ZW10: variants seen among roughly 807,000 people sequenced by gnomAD.
The protein encoded by ZW10 is zw10 kinetochore protein.
In ZW10, 53 loss-of-function variants were observed where a neutral mutation model predicts 87.8. The ratio of observed to expected loss-of-function variants is 0.60; its 90% CI spans 0.48 to 0.76. The LOEUF is 0.76. ZW10 is among the 30% of genes least tolerant of loss of function. The pLI, the probability that ZW10 is intolerant of heterozygous loss-of-function variation, is 0.00. For missense variants in ZW10, 837 were observed against 923.0 expected (o/e 0.91, Z 1.21); for synonymous variants, 312 against 329.2 (o/e 0.95, Z 0.57).
intron 10 of ZW10, among the ~76,000 whole-genome samples, chr11:113,742,200 T>C (rs943854978): frequency 7.2e-5 from 11 of 152,204 alleles, no homozygotes; most frequent in Non-Finnish European, 1.5e-4. Flanking sequence ...TTTCACCTTT[T>C]CTCCTTCTTA....
At chr11:113,735,030 T>A (rs1591407273) in intron 15 of ZW10, among the ~76,000 whole-genome samples, 1 of 152,208 alleles carries the variant, frequency 6.6e-6, no homozygotes, top group African/African-American at 2.4e-5. Context: ...GAGAAGGGGA[T>A]TCATGGGTCT....
Position 113,736,649 on chromosome 11 carries a change from T to C in ZW10, c.2190A>G (p.Leu730=). 1.2e-6 allele frequency: 2 copies of C among 1,614,234 alleles called. No homozygotes were observed. The highest frequency in any genetic ancestry group is 1.7e-6 in the Non-Finnish European group (2 of 1,180,032). ...WMPFKELMMM[L]QASLQEIGDR... ...CCCCAATTTCTTGCAAGCTGGCTTGTAGCATCATCATCAATTCCTTGAATG... is the reference window on the plus strand; with the variant it reads ...CCCCAATTTCTTGCAAGCTGGCTTGCAGCATCATCATCAATTCCTTGAATG... The change falls in exon 15 of 16, where the codon CTA becomes CTG. Residue 730 remains leucine (L), a synonymous_variant. Coordinates refer to ENST00000200135, the MANE Select transcript of ZW10 (RefSeq NM_004724.4).
At chr11:113,753,201 C>G (rs1953751309) in intron 7 of ZW10, among the ~76,000 whole-genome samples, 1 of 151,984 alleles carries the variant, frequency 6.6e-6, no homozygotes, top group African/African-American at 2.4e-5. Context: ...CCAATAGGCC[C>G]CAGTGTGTGT....
intron 1 of ZW10, chr11:113,771,589 T>C (rs769896929): frequency 1.3e-5 from 2 of 152,264 alleles, no homozygotes; most frequent in Non-Finnish European, 2.9e-5. Context: ...TGTTGCACTT[T>C]AGACTGGTGT....
At chr11:113,762,397 T>C (rs1953870194) in intron 2 of ZW10, among the ~76,000 whole-genome samples, 1 of 152,192 alleles carries the variant, frequency 6.6e-6, no homozygotes, top group Non-Finnish European at 1.5e-5. Context: ...AGGACATTAG[T>C]GTACTCTACA....
At position 113,739,241 on chromosome 11, in the gene ZW10, C is replaced by G. The variant is rs766642448; in HGVS notation, c.1725G>C (p.Val575=). The change falls in exon 12 of 16, where the codon GTG becomes GTC. Residue 575 remains valine, a synonymous_variant. Coordinates refer to ENST00000200135, the MANE Select transcript of ZW10 (RefSeq NM_004724.4). ...PILCDGTATF[V]DLVPGFRRLG... ...GTCTCCTGAAGCCAGGTACAAGATC[C>G]ACAAAAGTAGCAGTGCCATCACAAA... 1.2e-5 allele frequency: 19 copies of G among 1,613,756 alleles called. No homozygotes were observed. Among genetic ancestry groups the G allele is most frequent in the Non-Finnish European group, 7.6e-6 (9 of 1,179,924 alleles).
In ZW10 at chr11:113,758,759, A is replaced by T. The variant is rs186167381; in HGVS notation, c.581-53T>A. ...TGTCTCACCAATATGAGATGTTCCCACTTCTATTCCTCAGAGCTCATTCTC... is the reference window on the plus strand; with the variant it reads ...TGTCTCACCAATATGAGATGTTCCCTCTTCTATTCCTCAGAGCTCATTCTC... On this transcript the variant is annotated intron_variant, in intron 5 of 15. Coordinates refer to ENST00000200135, the MANE Select transcript of ZW10 (RefSeq NM_004724.4). 4,005 of 1,562,340 alleles carry T rather than the reference A, an allele frequency of 2.6e-3. 20 individuals carry two copies. Among genetic ancestry groups the T allele is most frequent in the Non-Finnish European group, 2.4e-3 (2,718 of 1,136,726 alleles).
chr11:113,763,566 G>T (rs1445919405), intron 2 of ZW10, among the ~76,000 whole-genome samples: 1 of 152,142 alleles, frequency 6.6e-6, no homozygotes, highest in Non-Finnish European at 1.5e-5. Flanking sequence ...ATTCTGACTT[G>T]CGTGAGATGG....
chr11:113,763,623 G>A (rs1277650339), intron 2 of ZW10, among the ~76,000 whole-genome samples: 13 of 152,292 alleles, frequency 8.5e-5, no homozygotes, highest in Middle Eastern at 3.4e-3. Flanking sequence ...CAGTGATGTT[G>A]AGCCTTTTTT....
intron 11 of ZW10, among the ~76,000 whole-genome samples, chr11:113,741,127 T>G (rs990160406): frequency 1.3e-5 from 2 of 150,860 alleles, no homozygotes; most frequent in Non-Finnish European, 3.0e-5. Context: ...CAGCTTTTGT[T>G]TTTTTTTTTG....
At chr11:113,734,372 T>TAGATCAGC (rs760920885) in intron 15 of ZW10, among the ~76,000 whole-genome samples, 107 of 152,306 alleles carry the variant, frequency 7.0e-4, no homozygotes, top group Non-Finnish European at 1.2e-3. Flanking sequence ...GCATGCCAAT[T>TAGATCAGC]AGATCAGCTG....
intron 7 of ZW10, among the ~76,000 whole-genome samples, chr11:113,750,624 A>G (rs914366534): frequency 6.6e-6 from 1 of 152,148 alleles, no homozygotes; most frequent in African/African-American, 2.4e-5. Flanking sequence ...TTTTAAGACA[A>G]TAAAGTGAAC....
rs111593079 is a variant in ZW10 at position 113,756,365 on chromosome 11, G to A, written c.925+1297C>T. Among the ~76,000 whole-genome samples the A allele has an allele frequency of 8.0e-3, 1,210 of 152,172 alleles. 16 individuals carry two copies. Among genetic ancestry groups the A allele is most frequent in the African/African-American group, 0.028 (1,168 of 41,498 alleles). Reference sequence around the variant, plus strand: ...TGTTTATACTGGTGATAAGATATAGGGGAAATAACAGCAACTGTAAAGAAT... The same window carrying A: ...TGTTTATACTGGTGATAAGATATAGAGGAAATAACAGCAACTGTAAAGAAT... On this transcript the variant is annotated intron_variant, in intron 7 of 15. Transcript: ENST00000200135.
chr11:113,746,495 C>CAAAAAAAAAAAAAA (rs566009326), intron 9 of ZW10, among the ~76,000 whole-genome samples: 11 of 105,318 alleles, frequency 1.0e-4, no homozygotes, highest in African/African-American at 1.6e-4. Context: ...ACAAAACAGT[C>CAAAAAAAAAAAAAA]AAAAAAAAAA....
In ZW10 at chr11:113,738,414, T is replaced by C. The variant is rs780905631; in HGVS notation, c.1754-20A>G. ...CTGTCCCTATGATGGAAAAACAGAA[T>C]AAAAAATTTTAAAAGCTGCTCAATT... On this transcript the variant is annotated intron_variant, in intron 12 of 15. Transcript: ENST00000200135. 26 of 1,601,852 alleles carry C rather than the reference T, an allele frequency of 1.6e-5. No homozygotes were observed. Among genetic ancestry groups the C allele is most frequent in the Non-Finnish European group, 2.0e-5 (24 of 1,176,546 alleles).
intron 10 of ZW10, among the ~76,000 whole-genome samples, chr11:113,742,968 T>C (rs1044496920): frequency 1.3e-5 from 2 of 152,194 alleles, no homozygotes; most frequent in Non-Finnish European, 2.9e-5. Flanking sequence ...TCTATGAGGA[T>C]AGGAAGAATG....
chr11:113,760,979 T>C (rs192371167), intron 2 of ZW10, 61 bp from the exon 3 acceptor site: 1 of 1,340,620 alleles, frequency 7.5e-7, no homozygotes. Context: ...AATAAAAAAT[T>C]TAAAGCAAAT....
intron 9 of ZW10, 66 bp downstream of exon 9, chr11:113,747,465 G>A: frequency 7.3e-7 from 1 of 1,375,446 alleles, no homozygotes; most frequent in Non-Finnish European, 1.0e-6. Context: ...TTTACTATAT[G>A]CATCTCAAAA....
At chr11:113,748,513 A>C in intron 7 of ZW10, 93 bp from the exon 8 acceptor site, 1 of 1,122,654 alleles carries the variant, frequency 8.9e-7, no homozygotes, top group Middle Eastern at 2.2e-4. Context: ...TTTTAAGATG[A>C]TGGGGAAGAA....
Sources: gnomAD v4.1 joint callset for allele counts (sites outside exome capture counted in the v4.1 genomes callset) on GRCh38, gnomAD v4.1.1 for gene constraint, MANE v1.5 for transcripts, NCBI Gene and HGNC (gene_info 2026-07-23, HGNC 2026-07-21) for gene names.